The following GALNT13 variants were observed in gnomAD, a reference collection of about 807,000 sequenced individuals.
GALNT13 encodes polypeptide N-acetylgalactosaminyltransferase 13, also known as UDP-GalNAc:polypeptide N-acetylgalactosaminyltransferase 13.
Under a neutral mutation model 64.2 loss-of-function variants are expected in GALNT13, and 28 were observed. That is an observed-to-expected ratio of 0.44 (90% CI 0.32 to 0.60). The LOEUF (loss-of-function observed/expected upper bound fraction) is 0.60, where lower values mean the gene tolerates loss of function less well. GALNT13 is among the 20% of genes least tolerant of loss of function. GALNT13 has a pLI of 0.05. For missense variants in GALNT13, 577 were observed against 669.8 expected (o/e 0.86, Z 1.53); for synonymous variants, 214 against 224.6 (o/e 0.95, Z 0.42).
chr2:153,951,005 T>G (rs1237963045), intron 3 of GALNT13, among the ~76,000 whole-genome samples: 1 of 151,796 alleles, frequency 6.6e-6, no homozygotes, highest in Non-Finnish European at 1.5e-5. Flanking sequence ...TAACTAAAAT[T>G]TAAAAAATGT....
At chr2:153,500,225 G>A in the GALNT13 span, among the ~76,000 whole-genome samples, 4 of 152,112 alleles carry the variant, frequency 2.6e-5, no homozygotes, top group African/African-American at 9.7e-5. Flanking sequence ...CAGTAAAAGG[G>A]AGCCATCATC....
At chr2:153,460,409 C>T in the GALNT13 span, among the ~76,000 whole-genome samples, 233 of 152,088 alleles carry the variant, frequency 1.5e-3, no homozygotes, top group African/African-American at 5.3e-3. Context: ...CTATATAATT[C>T]GTTCAGTTTA....
At chr2:153,291,977 A>T in the GALNT13 span, among the ~76,000 whole-genome samples, 1 of 152,212 alleles carries the variant, frequency 6.6e-6, no homozygotes. Context: ...TGTATGAAAC[A>T]AGAAGCATTT....
chr2:154,381,716 C>T (rs925667519), intron 9 of GALNT13, among the ~76,000 whole-genome samples: 2 of 152,066 alleles, frequency 1.3e-5, no homozygotes, highest in African/African-American at 4.8e-5. Context: ...TATTTCCAAG[C>T]CTCAGGTTAT....
chr2:153,986,566 G>A (rs191833823), intron 3 of GALNT13, among the ~76,000 whole-genome samples: 29 of 152,056 alleles, frequency 1.9e-4, no homozygotes, highest in African/African-American at 6.7e-4. Flanking sequence ...GTTGCTTTGA[G>A]TAGTTATTTT....
chr2:154,184,813 A>ATAATAAC (rs1166152343), intron 4 of GALNT13, among the ~76,000 whole-genome samples: 6 of 152,118 alleles, frequency 3.9e-5, no homozygotes, highest in African/African-American at 4.8e-5. Flanking sequence ...ATAATATATC[A>ATAATAAC]TTTAAAAAGT....
At chr2:153,584,850 A>T in the GALNT13 span, among the ~76,000 whole-genome samples, 1 of 152,202 alleles carries the variant, frequency 6.6e-6, no homozygotes, top group Admixed American at 6.5e-5. Context: ...GCTAAAAAAA[A>T]TTGTAGACTA....
chr2:153,453,597 A>G, the GALNT13 span, among the ~76,000 whole-genome samples: 2 of 152,202 alleles, frequency 1.3e-5, no homozygotes, highest in African/African-American at 2.4e-5. Flanking sequence ...AATTGTTATT[A>G]TTAAAAAGTC....
At chr2:153,552,448 T>C in the GALNT13 span, among the ~76,000 whole-genome samples, 3 of 152,006 alleles carry the variant, frequency 2.0e-5, no homozygotes, top group Non-Finnish European at 2.9e-5. Flanking sequence ...AATGTGGACA[T>C]AGAGAGTAGC....
At chr2:153,805,945 T>C in the GALNT13 span, among the ~76,000 whole-genome samples, 1 of 152,042 alleles carries the variant, frequency 6.6e-6, no homozygotes, top group East Asian at 1.9e-4. Context: ...TTTATACATA[T>C]ATAAACATAT....
the GALNT13 span, among the ~76,000 whole-genome samples, chr2:153,408,636 G>T: frequency 3.3e-5 from 5 of 151,746 alleles, no homozygotes; most frequent in South Asian, 6.3e-4. Context: ...GGTGTTTTTT[G>T]TTGTTGTTGT....
the GALNT13 span, among the ~76,000 whole-genome samples, chr2:153,325,368 CT>C: frequency 6.6e-6 from 1 of 151,814 alleles, no homozygotes; most frequent in African/African-American, 2.4e-5. Context: ...TTTATTGTGT[CT>C]GTTTGATTCT....
At chr2:153,228,485 C>A in the GALNT13 span, among the ~76,000 whole-genome samples, 1 of 152,148 alleles carries the variant, frequency 6.6e-6, no homozygotes, top group African/African-American at 2.4e-5. Context: ...TCTAGACTTG[C>A]AATTATTTCA....
chr2:153,470,901 A>G, the GALNT13 span, among the ~76,000 whole-genome samples: 1 of 152,218 alleles, frequency 6.6e-6, no homozygotes, highest in East Asian at 1.9e-4. Flanking sequence ...GGAAATGAAT[A>G]AAACACTTGT....
the GALNT13 span, among the ~76,000 whole-genome samples, chr2:153,403,001 A>C: frequency 6.7e-6 from 1 of 150,322 alleles, no homozygotes. Flanking sequence ...GAGGAGAGGC[A>C]CTCTGCTTTT....
At chr2:154,173,465 T>C (rs56013126) in intron 4 of GALNT13, among the ~76,000 whole-genome samples, 2 of 151,802 alleles carry the variant, frequency 1.3e-5, no homozygotes, top group African/African-American at 4.8e-5. Flanking sequence ...AGAAAACATT[T>C]GGGAAATGAT....
chr2:153,633,722 A>G, the GALNT13 span, among the ~76,000 whole-genome samples: 1 of 152,038 alleles, frequency 6.6e-6, no homozygotes, highest in African/African-American at 2.4e-5. Flanking sequence ...TTCTTAGCGT[A>G]TTTTCAGAAT....
chr2:153,793,107 G>T, the GALNT13 span, among the ~76,000 whole-genome samples: 1 of 151,640 alleles, frequency 6.6e-6, no homozygotes, highest in Non-Finnish European at 1.5e-5. Flanking sequence ...GGGTAGCTGA[G>T]ACTATAGGCA....
chr2:153,412,984 G>A, the GALNT13 span, among the ~76,000 whole-genome samples: 3 of 152,158 alleles, frequency 2.0e-5, no homozygotes, highest in African/African-American at 7.2e-5. Flanking sequence ...TTATAAAAAT[G>A]TAGGTAAATT....
Sources: allele counts gnomAD v4.1 joint callset (sites outside exome capture counted in the v4.1 genomes callset), GRCh38; gene constraint gnomAD v4.1.1; transcripts MANE v1.5; gene names NCBI Gene and HGNC (gene_info 2026-07-23, HGNC 2026-07-21).